The following ELOVL2 variants were observed in gnomAD, a reference collection of about 807,000 sequenced individuals.
ELOVL2 encodes the protein very long chain fatty acid elongase 2.
Under a neutral mutation model 37.7 loss-of-function variants are expected in ELOVL2, and 38 were observed. That is an observed-to-expected ratio of 1.01 (90% confidence interval 0.78 to 1.32). The LOEUF (loss-of-function observed/expected upper bound fraction) is 1.32, where lower values mean the gene tolerates loss of function less well. Ranked by LOEUF, ELOVL2 falls within the 40% of genes most tolerant of loss-of-function variation. The probability of loss-of-function intolerance (pLI) is 0.00; values close to 1 mark genes in which losing one functional copy is unlikely to be tolerated. For synonymous variants in ELOVL2, 115 were observed against 122.3 expected (o/e 0.94, Z 0.40); for missense variants, 352 against 363.6 (o/e 0.97, Z 0.26).
At chr6:10,996,404 G>A (rs571921285) in intron 4 of ELOVL2, among the ~76,000 whole-genome samples, 2 of 152,264 alleles carry the variant, frequency 1.3e-5, no homozygotes, top group South Asian at 4.1e-4. Context: ...CAGTTTTGAA[G>A]ACGTTTTTAA....
intron 1 of ELOVL2, chr6:11,015,850 A>T (rs1782676442): frequency 6.6e-6 from 1 of 152,316 alleles, no homozygotes; most frequent in South Asian, 2.1e-4. Context: ...AAACCAGGGC[A>T]TCTCAAATGG....
At chr6:10,988,068 T>A (rs1463618853) in intron 7 of ELOVL2, among the ~76,000 whole-genome samples, 1 of 152,228 alleles carries the variant, frequency 6.6e-6, no homozygotes, top group Non-Finnish European at 1.5e-5. Flanking sequence ...TCCCTTAGCT[T>A]CCCTTTAACA....
Position 11,044,137 on chromosome 6 carries a change from G to T in ELOVL2, c.3+91C>A. 7.4e-7 allele frequency: 1 copy of T among 1,359,560 alleles called. No individual in the cohort carries two copies. The highest frequency in any genetic ancestry group is 9.5e-7 in the Non-Finnish European group (1 of 1,047,176). 84.2% of individuals were successfully genotyped at this position (1,359,560 alleles called of 1,614,324 possible). On this transcript the variant is annotated intron_variant, in intron 1 of 7. Coordinates refer to ENST00000354666, the MANE Select transcript of ELOVL2 (RefSeq NM_017770.4). The surrounding 1 kb of genome is among the most constrained non-coding windows in gnomAD (Gnocchi z 5.6). ...GCGGCGAACCCGCAGCGCCCGCGCCGGCGCCCGCTCGGCCCTTTCCCGCCC... is the reference window on the plus strand; with the variant it reads ...GCGGCGAACCCGCAGCGCCCGCGCCTGCGCCCGCTCGGCCCTTTCCCGCCC...
chr6:11,018,224 C>G (rs1782714201), intron 1 of ELOVL2, among the ~76,000 whole-genome samples: 1 of 152,092 alleles, frequency 6.6e-6, no homozygotes, highest in South Asian at 2.1e-4. Flanking sequence ...ATTACGGGAT[C>G]TTAGTGATCT....
intron 5 of ELOVL2, among the ~76,000 whole-genome samples, chr6:10,992,184 C>T (rs1226008794): frequency 6.6e-6 from 1 of 152,218 alleles, no homozygotes; most frequent in Non-Finnish European, 1.5e-5. Context: ...CTTCCCCCTG[C>T]ACTCACAGCA....
At chr6:11,000,224 C>T in intron 3 of ELOVL2, 60 bp from the exon 4 acceptor site, 1 of 1,469,082 alleles carries the variant, frequency 6.8e-7, no homozygotes, top group Non-Finnish European at 9.5e-7. Flanking sequence ...TGGATACAGA[C>T]TGAATTTCCC....
intron 1 of ELOVL2, among the ~76,000 whole-genome samples, chr6:11,024,728 A>G (rs1299948476): frequency 1.3e-5 from 2 of 152,256 alleles, no homozygotes; most frequent in Non-Finnish European, 1.5e-5. Flanking sequence ...ACCAAATATC[A>G]GCAATCAGCA....
chr6:11,019,375 TTAAA>T (rs1581875644), intron 1 of ELOVL2, among the ~76,000 whole-genome samples: 1 of 152,198 alleles, frequency 6.6e-6, no homozygotes, highest in Non-Finnish European at 1.5e-5. Context: ...TAAAAATAAG[TTAAA>T]TAAACTAGGT....
chr6:11,002,048 A>G (rs1782396351), intron 3 of ELOVL2, among the ~76,000 whole-genome samples: 1 of 152,188 alleles, frequency 6.6e-6, no homozygotes, highest in Non-Finnish European at 1.5e-5. Context: ...AGCTAGAGTG[A>G]TCTATTTTAA....
intron 3 of ELOVL2, 39 bp from the exon 4 acceptor site, chr6:11,000,203 G>A: frequency 6.3e-7 from 1 of 1,578,864 alleles, no homozygotes; most frequent in African/African-American, 1.3e-5. Context: ...ACAAACATCA[G>A]CACAAGAATT....
chr6:10,988,252 C>T (rs1263408869), intron 7 of ELOVL2, among the ~76,000 whole-genome samples: 1 of 152,208 alleles, frequency 6.6e-6, no homozygotes, highest in Admixed American at 6.5e-5. Flanking sequence ...ATTCAGTTTC[C>T]ACTGTTCCAC....
chr6:11,044,015 C>T lies in ELOVL2; in HGVS notation c.3+213G>A, dbSNP rs969568913. Reference sequence around the variant, plus strand: ...ACCGAGACAAAGTTCCCGAGACCCGCGGGCCTCGGGCCGACCCGCGCGCCC... The same window carrying T: ...ACCGAGACAAAGTTCCCGAGACCCGTGGGCCTCGGGCCGACCCGCGCGCCC... On this transcript the variant is annotated intron_variant, in intron 1 of 7. Transcript: ENST00000354666. The surrounding 1 kb of genome is among the most constrained non-coding windows in gnomAD (Gnocchi z 5.6). 1.3e-5 allele frequency among the ~76,000 whole-genome samples: 2 copies of T among 151,432 alleles called. No individual in the cohort carries two copies. Among genetic ancestry groups the T allele is most frequent in the African/African-American group, 4.8e-5 (2 of 41,366 alleles).
At position 11,000,028 on chromosome 6, in the gene ELOVL2, C is replaced by G. The variant is rs1266352806; in HGVS notation, c.333+59G>C. On this transcript the variant is annotated intron_variant, in intron 4 of 7. Transcript: ENST00000354666. Reference sequence around the variant, plus strand: ...AGCCCTCTATCTGGAAGGAGAAAACCTCCTCTCCTTGTCAATGGGAACTGG... The same window carrying G: ...AGCCCTCTATCTGGAAGGAGAAAACGTCCTCTCCTTGTCAATGGGAACTGG... 3.6e-5 allele frequency: 53 copies of G among 1,477,732 alleles called. No individual in the cohort carries two copies. In the East Asian group the frequency reaches 1.2e-3, roughly 32 times the overall value. The allele number at this position is 1,477,732 out of a possible 1,614,324, so 91.5% of individuals were successfully genotyped here.
At chr6:11,008,587 G>T (rs561070015) in intron 2 of ELOVL2, among the ~76,000 whole-genome samples, 1 of 151,770 alleles carries the variant, frequency 6.6e-6, no homozygotes, top group African/African-American at 2.4e-5. Flanking sequence ...CTAAGGGAGG[G>T]GTCCCGGGTC....
At chr6:11,026,075 A>T (rs1407529374) in intron 1 of ELOVL2, among the ~76,000 whole-genome samples, 3 of 152,136 alleles carry the variant, frequency 2.0e-5, no homozygotes, top group Non-Finnish European at 4.4e-5. Context: ...CAGGATGGTG[A>T]AGTGGAAGCA....
intron 1 of ELOVL2, among the ~76,000 whole-genome samples, chr6:11,037,243 A>G (rs1783025419): frequency 1.3e-5 from 2 of 149,618 alleles, no homozygotes; most frequent in South Asian, 4.3e-4. Context: ...CAGAGGAGGC[A>G]GAGAGGGAGA....
chr6:10,983,859 T>G lies in ELOVL2; in HGVS notation c.813A>C (p.Ala271=), dbSNP rs758051642. The G allele has an allele frequency of 1.5e-5, 24 of 1,613,896 alleles. No individual in the cohort carries two copies. The Middle Eastern group carries it at 6.6e-4, about 44-fold the overall frequency. The change falls in exon 8 of 8, where the codon GCA becomes GCC. Residue 271 remains alanine, a synonymous_variant. Coordinates refer to ENST00000354666, the MANE Select transcript of ELOVL2 (RefSeq NM_017770.4). ...PMKKDMQEPP[A]GKEVKNGFSK... is the part of the protein sequence containing the mutation. ...AAAAACCATTCTTCACTTCTTTCCCTGCAGGTGGCTCTTGCATATCTTTCT... is the reference window on the plus strand; with the variant it reads ...AAAAACCATTCTTCACTTCTTTCCCGGCAGGTGGCTCTTGCATATCTTTCT...
rs918050822 is a variant in ELOVL2 at position 10,982,031 on chromosome 6, C to T, written c.*1750G>A. On this transcript the variant is annotated 3_prime_UTR_variant, in exon 8 of 8. Transcript: ENST00000354666. The stretch of plus-strand genomic sequence containing the variant: ...GCAAGATGGAAGTGGTGATGAAGCA[C>T]CCTAGAGCAAGTCAGCTTCAGAAAA... 6.6e-6 allele frequency: 1 copy of T among 152,062 alleles called. No homozygotes were observed. Among genetic ancestry groups the T allele is most frequent in the African/African-American group, 2.4e-5 (1 of 41,372 alleles). The allele number at this position is 152,062 out of a possible 1,614,324, so 9.4% of individuals were successfully genotyped here. A position where few individuals can be genotyped will look rare whatever the true frequency, so the allele number is the denominator to read the frequency against.
chr6:10,993,987 C>T (rs1489725958), intron 5 of ELOVL2, among the ~76,000 whole-genome samples: 2 of 129,102 alleles, frequency 1.5e-5, no homozygotes, highest in Non-Finnish European at 3.1e-5. Flanking sequence ...GGATTACAGG[C>T]ATGAGCCACT....
Sources: allele counts gnomAD v4.1 joint callset (sites outside exome capture counted in the v4.1 genomes callset), GRCh38; gene constraint gnomAD v4.1.1; non-coding constraint Gnocchi (gnomAD v3.1); transcripts MANE v1.5; gene names NCBI Gene and HGNC (gene_info 2026-07-23, HGNC 2026-07-21).